The following LGR6 variants were observed in gnomAD, a reference collection of about 807,000 sequenced individuals.
LGR6 encodes leucine rich repeat containing G protein-coupled receptor 6, also known as leucine-rich repeat-containing G protein-coupled receptor 6.
In LGR6, 45 loss-of-function variants were observed where a neutral mutation model predicts 69.4. The ratio of observed to expected loss-of-function variants is 0.65; its 90% CI spans 0.51 to 0.83. The LOEUF is 0.83. Ranked by LOEUF, LGR6 falls within the 40% of genes least tolerant of loss-of-function variation. The probability of loss-of-function intolerance (pLI) is 0.00; values close to 1 mark genes in which losing one functional copy is unlikely to be tolerated. For missense variants in LGR6, 1,108 were observed against 1,246.7 expected (o/e 0.89, Z 1.68); for synonymous variants, 538 against 555.0 (o/e 0.97, Z 0.43).
chr1:202,225,345 G>A (rs779227183), intron 1 of LGR6, 78 bp from the exon 2 acceptor site: 33 of 1,345,508 alleles, frequency 2.5e-5, no homozygotes, highest in South Asian at 3.5e-5. Context: ...GGTCCCTCGA[G>A]GGGGGTTGGC....
Position 202,319,231 on chromosome 1 carries a change from C to CGTGTAAATAT in LGR6, c.*24_*25insGTGTAAATAT. On this transcript the variant is annotated 3_prime_UTR_variant, in exon 18 of 18. Transcript: ENST00000367278. ...AAATATCCCTCCCCATTCTTCTCTT[C>CGTGTAAATAT]CCCTCTCTTCCCTTTCCTCTCTCCC... The CGTGTAAATAT allele has an allele frequency of 6.5e-7, 1 of 1,536,726 alleles. No homozygotes were observed. The highest frequency in any genetic ancestry group is 8.7e-7 in the Non-Finnish European group (1 of 1,143,504).
chr1:202,294,767 A>G (rs1011581787), intron 6 of LGR6, among the ~76,000 whole-genome samples: 1 of 152,210 alleles, frequency 6.6e-6, no homozygotes, highest in African/African-American at 2.4e-5. Context: ...TAGATGTCAC[A>G]TCTTGAGAGG....
intron 4 of LGR6, among the ~76,000 whole-genome samples, chr1:202,274,889 T>C (rs1665410829): frequency 2.0e-5 from 3 of 152,222 alleles, no homozygotes; most frequent in Admixed American, 2.0e-4. Flanking sequence ...CTACAGCTTT[T>C]GAAGAGTGTC....
At chr1:202,274,479 A>G (rs375543950) in intron 4 of LGR6, among the ~76,000 whole-genome samples, 6 of 152,186 alleles carry the variant, frequency 3.9e-5, no homozygotes, top group African/African-American at 7.2e-5. Flanking sequence ...CTACATCCTC[A>G]TTCAGTCTTC....
In LGR6 at chr1:202,318,561, A is replaced by C. The variant is rs1249488486; in HGVS notation, c.2258A>C (p.Lys753Thr). 1 of 1,614,016 alleles carries C rather than the reference A, an allele frequency of 6.2e-7. No homozygotes were observed. The highest frequency in any genetic ancestry group is 8.5e-7 in the Non-Finnish European group (1 of 1,179,994). ...CTGGTCGTGGCCGGTGCCTACATCAAACTGTACTGTGACCTGCCGCGGGGC... is the reference window on the plus strand; with the variant it reads ...CTGGTCGTGGCCGGTGCCTACATCACACTGTACTGTGACCTGCCGCGGGGC... ...CFLVVAGAYI[K>T]LYCDLPRGDF... Residue 753 changes from lysine to threonine, a missense_variant, in exon 18 of 18, where the codon AAA (lysine) becomes ACA (threonine). Coordinates refer to ENST00000367278, the MANE Select transcript of LGR6 (RefSeq NM_001017403.2).
chr1:202,303,190 C>T (rs1667731875), intron 9 of LGR6, 89 bp from the exon 10 acceptor site: 1 of 1,007,652 alleles, frequency 9.9e-7, no homozygotes, highest in Admixed American at 1.7e-5. Context: ...AAGGAGGAGT[C>T]CCGGAGGGGA....
chr1:202,272,866 C>A, intron 4 of LGR6, among the ~76,000 whole-genome samples: 1 of 152,234 alleles, frequency 6.6e-6, no homozygotes, highest in East Asian at 1.9e-4. Flanking sequence ...CCCTGACCCA[C>A]TTCCTGCCTG....
chr1:202,308,988 C>CAA, intron 14 of LGR6, 63 bp from the exon 15 acceptor site: 1 of 1,594,048 alleles, frequency 6.3e-7, no homozygotes, highest in East Asian at 2.2e-5. Context: ...ACATTCTCAG[C>CAA]ACAGCCCTGC....
At chr1:202,229,714 T>C (rs1443432074) in intron 3 of LGR6, among the ~76,000 whole-genome samples, 4 of 152,304 alleles carry the variant, frequency 2.6e-5, no homozygotes, top group African/African-American at 9.6e-5. Context: ...AGAAGTTGAG[T>C]GGGAGCTGAG....
chr1:202,307,313 A>G lies in LGR6; in HGVS notation c.1209-17A>G, dbSNP rs1215380881. 1.9e-6 allele frequency: 3 copies of G among 1,613,398 alleles called. No individual in the cohort carries two copies. The highest frequency in any genetic ancestry group is 4.5e-5 in the East Asian group (2 of 44,858). ...ACATGTTACTGTCCCCTCCTGTCAC[A>G]CCCTCTCTGCCTGCAGGGATCTTAG... On this transcript the variant is annotated splice_polypyrimidine_tract_variant and intron_variant, in intron 13 of 17. Coordinates refer to ENST00000367278, the MANE Select transcript of LGR6 (RefSeq NM_001017403.2).
At chr1:202,229,006 C>T (rs1213736906) in intron 3 of LGR6, among the ~76,000 whole-genome samples, 2 of 152,082 alleles carry the variant, frequency 1.3e-5, no homozygotes, top group Non-Finnish European at 1.5e-5. Flanking sequence ...GGCTGAATCC[C>T]GTCCTGTGCC....
chr1:202,205,393 T>A (rs866804533), intron 1 of LGR6, among the ~76,000 whole-genome samples: 1 of 736 alleles, frequency 1.4e-3, no homozygotes, highest in Non-Finnish European at 2.9e-3. Context: ...ACACACCTCC[T>A]TCAAACACAC....
chr1:202,297,439 C>A, intron 6 of LGR6, 69 bp from the exon 7 acceptor site: 1 of 1,331,870 alleles, frequency 7.5e-7, no homozygotes, highest in Non-Finnish European at 1.0e-6. Flanking sequence ...GCCAAGTTTC[C>A]ATTTCTCAGG....
chr1:202,282,413 G>C (rs1263228588), intron 6 of LGR6, among the ~76,000 whole-genome samples: 1 of 152,194 alleles, frequency 6.6e-6, no homozygotes, highest in Non-Finnish European at 1.5e-5. Flanking sequence ...AGAGCCTGCT[G>C]TCCTCTTTTG....
rs761859678 is a variant in LGR6 at position 202,319,134 on chromosome 1, C to G, written c.2831C>G (p.Thr944Arg). 6.2e-7 allele frequency: 1 copy of G among 1,614,138 alleles called. No individual in the cohort carries two copies. Among genetic ancestry groups the G allele is most frequent in the Non-Finnish European group, 8.5e-7 (1 of 1,179,988 alleles). ...GELLLRAEGSTPAGGGLSGGG... is the reference protein window; with the variant it reads ...GELLLRAEGSRPAGGGLSGGG... ...CTGCTGCTGAGGGCAGAGGGATCTA[C>G]GCCAGCAGGTGGAGGCTTGTCAGGG... The change falls in exon 18 of 18, where the codon ACG becomes AGG. Residue 944 changes from threonine (T) to arginine (R), a missense_variant. Coordinates refer to ENST00000367278, the MANE Select transcript of LGR6 (RefSeq NM_001017403.2).
At position 202,276,396 on chromosome 1, in the gene LGR6, A is replaced by C; in HGVS notation, c.519A>C (p.Ala173=). The stretch of plus-strand genomic sequence containing the variant: ...GCCACCTCTGGCTGGACGACAATGC[A>C]CTCACGGAGATCCCTGTCAGGGCCC... ...SLRHLWLDDN[A]LTEIPVRALN... is the part of the protein sequence containing the mutation. The change falls in exon 5 of 18, where the codon GCA becomes GCC. Residue 173 remains alanine, a synonymous_variant. Transcript: ENST00000367278. The C allele has an allele frequency of 6.2e-7, 1 of 1,613,990 alleles. No homozygotes were observed. The highest frequency in any genetic ancestry group is 1.6e-4 in the Middle Eastern group (1 of 6,062).
Position 202,305,140 on chromosome 1 carries a change from C to T in LGR6, c.1070+510C>T, listed in dbSNP as rs1378910132. Among the ~76,000 whole-genome samples, 2 of 152,078 alleles carry T rather than the reference C, an allele frequency of 1.3e-5. 1 individual carries two copies. The highest frequency in any genetic ancestry group is 2.9e-5 in the Non-Finnish European group (2 of 68,006). ...CAACGCATAGTGTGTGGAAAGAGCC[C>T]TAGGCTGGGGGTCCGGAGACACAGG... On this transcript the variant is annotated intron_variant, in intron 11 of 17. Transcript: ENST00000367278.
At chr1:202,204,390 A>G (rs1313903454) in intron 1 of LGR6, among the ~76,000 whole-genome samples, 1 of 111,836 alleles carries the variant, frequency 8.9e-6, no homozygotes, top group African/African-American at 3.5e-5. Flanking sequence ...ACACACCTCC[A>G]CACACACACC....
At position 202,247,575 on chromosome 1, in the gene LGR6, G is replaced by A. The variant is rs538015423; in HGVS notation, c.428+11582G>A. Among the ~76,000 whole-genome samples the A allele has an allele frequency of 1.6e-4, 24 of 152,264 alleles. No individual in the cohort carries two copies. In the East Asian group the frequency reaches 4.3e-3, roughly 27 times the overall value. On this transcript the variant is annotated intron_variant, in intron 4 of 17. Transcript: ENST00000367278. ...TAAGGTTTAGACTGGTTTGGTTGTG[G>A]ACCCACTTGGAGGCAGTGAAAGGTA...
Sources: allele counts gnomAD v4.1 joint callset (sites outside exome capture counted in the v4.1 genomes callset), GRCh38; gene constraint gnomAD v4.1.1; transcripts MANE v1.5; gene names NCBI Gene and HGNC (gene_info 2026-07-23, HGNC 2026-07-21).